The following TRRAP variants were observed in gnomAD, a reference collection of about 807,000 sequenced individuals.
The protein encoded by TRRAP is transformation/transcription domain-associated protein.
A neutral mutation model predicts 438.8 loss-of-function variants in TRRAP; 41 were observed. That is an observed-to-expected ratio of 0.09 (90% CI 0.07 to 0.12). The LOEUF (loss-of-function observed/expected upper bound fraction) is 0.12, where lower values mean the gene tolerates loss of function less well. TRRAP is among the 10% of genes least tolerant of loss of function. The pLI, the probability that TRRAP is intolerant of heterozygous loss-of-function variation, is 1.00. For missense variants in TRRAP, 3,122 were observed against 5,055.1 expected, an observed-to-expected ratio of 0.62 and a Z score of 11.60; for synonymous variants, 1,994 against 1,962.9, an observed-to-expected ratio of 1.02 and a Z score of -0.42.
At chr7:98,955,782 G>A (rs1288505642) in intron 41 of TRRAP, among the ~76,000 whole-genome samples, 1 of 152,202 alleles carries the variant, frequency 6.6e-6, no homozygotes, top group Non-Finnish European at 1.5e-5. Context: ...TCACCTCTTA[G>A]AGGAACTTTG....
At chr7:98,893,738 A>C in intron 5 of TRRAP, 60 bp from the exon 6 acceptor site, 2 of 1,483,222 alleles carry the variant, frequency 1.3e-6, no homozygotes, top group Non-Finnish European at 1.9e-6. Flanking sequence ...AACTGCTGAG[A>C]AAATTAGCCT....
chr7:98,899,075 G>A (rs1017695917), intron 8 of TRRAP, among the ~76,000 whole-genome samples: 3 of 152,076 alleles, frequency 2.0e-5, no homozygotes, highest in African/African-American at 7.2e-5. Context: ...TGTAATCCCA[G>A]CTACTCAGGA....
chr7:98,957,835 C>G, intron 43 of TRRAP, 146 bp from the exon 44 acceptor site: 1 of 703,096 alleles, frequency 1.4e-6, no homozygotes, highest in South Asian at 1.6e-5. Context: ...GGGCACAGAC[C>G]ACATCTGTCT....
chr7:99,000,666 T>C (rs1793880717), intron 67 of TRRAP, among the ~76,000 whole-genome samples: 1 of 152,202 alleles, frequency 6.6e-6, no homozygotes, highest in South Asian at 2.1e-4. Flanking sequence ...GCAGCCTAGC[T>C]CTCTGCCCCA....
chr7:98,929,884 G>A (rs1554412413), intron 23 of TRRAP, 105 bp from the exon 24 acceptor site: 15 of 1,250,002 alleles, frequency 1.2e-5, no homozygotes, highest in Admixed American at 9.4e-5. Context: ...GTGAGCCGCC[G>A]TGCCCTGCTT....
intron 4 of TRRAP, among the ~76,000 whole-genome samples, 183 bp downstream of exon 4, chr7:98,890,628 C>G (rs1385627858): frequency 1.3e-5 from 2 of 152,056 alleles, no homozygotes; most frequent in Non-Finnish European, 2.9e-5. Context: ...TCTAGGACGT[C>G]CCTTTTACAA....
intron 67 of TRRAP, among the ~76,000 whole-genome samples, chr7:99,003,265 A>G (rs750367384): frequency 1.5e-4 from 23 of 152,228 alleles, no homozygotes; most frequent in Non-Finnish European, 3.2e-4. Flanking sequence ...TGAGAAATAT[A>G]TTAACCAGGG....
At chr7:98,896,700 A>T (rs1294821699) in intron 7 of TRRAP, among the ~76,000 whole-genome samples, 1 of 152,144 alleles carries the variant, frequency 6.6e-6, no homozygotes, top group Non-Finnish European at 1.5e-5. Context: ...TTTCTTTTTT[A>T]ATCTTTAAAA....
At position 98,950,250 on chromosome 7, in the gene TRRAP, A is replaced by G. The variant is rs1554417926; in HGVS notation, c.5322A>G (p.Glu1774=). The stretch of plus-strand genomic sequence containing the variant: ...TCAACGACCCCAACTTCGGAGATGA[A>G]TTAAAAGCTAAAGTGAGTCCCACTC... The part of the protein sequence containing the change: ...VDFNDPNFGD[E]LKAKVLQHIL... The change falls in exon 38 of 73, where the codon GAA becomes GAG. Residue 1774 remains glutamate (E), a synonymous_variant. Transcript: ENST00000456197. 1 of 1,614,230 alleles carries G rather than the reference A, an allele frequency of 6.2e-7. No individual in the cohort carries two copies. Among genetic ancestry groups the G allele is most frequent in the Admixed American group, 1.7e-5 (1 of 60,030 alleles).
In TRRAP at chr7:98,955,115, C is replaced by T. The variant is rs1448497009; in HGVS notation, c.5748C>T (p.Leu1916=). 1.2e-5 allele frequency: 20 copies of T among 1,614,028 alleles called. No individual in the cohort carries two copies. The highest frequency in any genetic ancestry group is 1.7e-5 in the Non-Finnish European group (20 of 1,179,988). ...TGTTTTAGGTTTTTCATAGTCTCCT[C>T]AAGGCTCACGCAATGGAAGCTCGAG... is the stretch of plus-strand genomic sequence containing the variant. ...KIVLQVFHSL[L]KAHAMEARAI... is the part of the protein sequence containing the mutation. The change falls in exon 41 of 73, where the codon CTC becomes CTT. Residue 1916 remains leucine, a synonymous_variant. Coordinates refer to ENST00000456197, the MANE Select transcript of TRRAP (RefSeq NM_001375524.1).
intron 37 of TRRAP, 74 bp downstream of exon 37, chr7:98,949,915 C>G: frequency 6.4e-7 from 1 of 1,562,672 alleles, no homozygotes; most frequent in Non-Finnish European, 8.7e-7. Context: ...TCCTTCTACT[C>G]TGTACAAGGC....
intron 19 of TRRAP, among the ~76,000 whole-genome samples, chr7:98,916,120 G>T (rs537421277): frequency 6.6e-6 from 1 of 151,206 alleles, no homozygotes; most frequent in South Asian, 2.1e-4. Flanking sequence ...CCTCAGCATT[G>T]AATGGGATTT....
In TRRAP at chr7:98,955,419, C is replaced by T. The variant is rs1433122118; in HGVS notation, c.5937+115C>T. Reference sequence around the variant, plus strand: ...GGTCGTTCATCTTTTAGTAAGGCTACTTCTGGTTCATTGATTAGTTTGTGT... The same window carrying T: ...GGTCGTTCATCTTTTAGTAAGGCTATTTCTGGTTCATTGATTAGTTTGTGT... On this transcript the variant is annotated intron_variant, in intron 41 of 72. Transcript: ENST00000456197. The T allele has an allele frequency of 6.3e-6, 7 of 1,115,936 alleles. No individual in the cohort carries two copies. In the Admixed American group the frequency reaches 1.8e-4, roughly 29 times the overall value. 69.1% of individuals were successfully genotyped at this position (1,115,936 alleles called of 1,614,324 possible).
intron 30 of TRRAP, among the ~76,000 whole-genome samples, chr7:98,941,463 C>T (rs1351548214): frequency 6.6e-6 from 1 of 152,154 alleles, no homozygotes; most frequent in Non-Finnish European, 1.5e-5. Context: ...AGCTACCGCG[C>T]CTGGCCATGT....
chr7:98,987,598 T>G (rs1298527085), intron 62 of TRRAP, among the ~76,000 whole-genome samples: 1 of 152,242 alleles, frequency 6.6e-6, no homozygotes, highest in Non-Finnish European at 1.5e-5. Context: ...GGATTCTTCT[T>G]TTCTGTGTAT....
At chr7:99,002,261 G>A (rs1329953961) in intron 67 of TRRAP, among the ~76,000 whole-genome samples, 1 of 152,196 alleles carries the variant, frequency 6.6e-6, no homozygotes, top group African/African-American at 2.4e-5. Flanking sequence ...GTGTGCGCAT[G>A]CATACACACA....
chr7:98,960,920 A>C lies in TRRAP; in HGVS notation c.6490-341A>C, dbSNP rs373656115. On this transcript the variant is annotated intron_variant, in intron 45 of 72. Coordinates refer to ENST00000456197, the MANE Select transcript of TRRAP (RefSeq NM_001375524.1). The stretch of plus-strand genomic sequence containing the variant: ...GCGTAACCACTGCGCCTGGCCTGGA[A>C]GGATATTTGTATTTTTGTATCTTAA... 1.1e-4 allele frequency among the ~76,000 whole-genome samples: 17 copies of C among 152,284 alleles called. No individual in the cohort carries two copies. In the East Asian group the frequency reaches 3.1e-3, roughly 28 times the overall value.
chr7:98,966,771 T>A (rs925222473), intron 49 of TRRAP, among the ~76,000 whole-genome samples: 4 of 152,214 alleles, frequency 2.6e-5, no homozygotes, highest in Admixed American at 2.6e-4. Context: ...GTAAAAGTAA[T>A]AATAGAGACT....
chr7:98,907,494 C>T (rs1554407683), intron 13 of TRRAP, among the ~76,000 whole-genome samples: 1 of 152,160 alleles, frequency 6.6e-6, no homozygotes, highest in East Asian at 1.9e-4. Context: ...ATGCAGTTTT[C>T]TCACTGTTTT....
Sources: gnomAD v4.1 joint callset for allele counts (sites outside exome capture counted in the v4.1 genomes callset) on GRCh38, gnomAD v4.1.1 for gene constraint, MANE v1.5 for transcripts, NCBI Gene and HGNC (gene_info 2026-07-23, HGNC 2026-07-21) for gene names.